GPC5: variants seen among roughly 807,000 people sequenced by gnomAD.
GPC5 encodes glypican 5.
Under a neutral mutation model 53.9 loss-of-function variants are expected in GPC5, and 47 were observed. The ratio of observed to expected loss-of-function variants is 0.87; its 90% CI spans 0.69 to 1.11. The LOEUF (loss-of-function observed/expected upper bound fraction) is 1.11, where lower values mean the gene tolerates loss of function less well. GPC5 is among the 50% of genes most tolerant of loss of function. The pLI is 0.00. For synonymous variants in GPC5, 286 were observed against 263.3 expected (o/e 1.09, Z -0.84); for missense variants, 748 against 713.1 (o/e 1.05, Z -0.56).
At chr13:92,134,943 T>G (rs535932867) in intron 6 of GPC5, among the ~76,000 whole-genome samples, 2 of 152,282 alleles carry the variant, frequency 1.3e-5, no homozygotes, top group South Asian at 4.1e-4. Context: ...ATGCATCACA[T>G]ACTGCATAAT....
chr13:91,798,483 C>T (rs1179711661), intron 5 of GPC5, among the ~76,000 whole-genome samples: 1 of 152,186 alleles, frequency 6.6e-6, no homozygotes, highest in Non-Finnish European at 1.5e-5. Context: ...AGGATAACAG[C>T]TTCCAGCTCC....
intron 6 of GPC5, among the ~76,000 whole-genome samples, chr13:92,026,122 C>T (rs2138798537): frequency 6.6e-6 from 1 of 152,176 alleles, no homozygotes; most frequent in Admixed American, 6.5e-5. Flanking sequence ...AATGTTTTTC[C>T]AGCATACCTG....
chr13:92,244,380 A>AC (rs1455624537), intron 7 of GPC5, among the ~76,000 whole-genome samples: 1 of 152,152 alleles, frequency 6.6e-6, no homozygotes, highest in Non-Finnish European at 1.5e-5. Flanking sequence ...GTGTAACGAA[A>AC]CCTCATATGT....
At chr13:92,541,637 C>T (rs961486545) in intron 7 of GPC5, among the ~76,000 whole-genome samples, 1 of 151,730 alleles carries the variant, frequency 6.6e-6, no homozygotes, top group African/African-American at 2.4e-5. Context: ...ATGAAACCTA[C>T]TTTATTGATG....
intron 7 of GPC5, among the ~76,000 whole-genome samples, chr13:92,809,847 A>T (rs1877230068): frequency 1.3e-5 from 2 of 152,090 alleles, no homozygotes; most frequent in South Asian, 4.1e-4. Flanking sequence ...GTACAGTTTA[A>T]TACTTAAACT....
chr13:91,959,362 A>C (rs561786867), intron 6 of GPC5, among the ~76,000 whole-genome samples: 4 of 151,758 alleles, frequency 2.6e-5, no homozygotes, highest in Non-Finnish European at 5.9e-5. Context: ...AGAAAATCTG[A>C]ACAGACTAAT....
intron 7 of GPC5, among the ~76,000 whole-genome samples, chr13:92,235,599 C>A (rs72636862): frequency 0.16 from 24,050 of 151,864 alleles, 2,342 homozygotes; most frequent in Admixed American, 0.22. Flanking sequence ...ATTTTTCTGT[C>A]AAATATATGA....
chr13:91,478,891 A>ATATG (rs1555312589), intron 2 of GPC5, among the ~76,000 whole-genome samples: 1 of 126,180 alleles, frequency 7.9e-6, no homozygotes, highest in Non-Finnish European at 1.6e-5. Context: ...TTATATATAT[A>ATATG]TATATATATA....
At chr13:92,415,705 G>A (rs921727730) in intron 7 of GPC5, among the ~76,000 whole-genome samples, 2 of 151,780 alleles carry the variant, frequency 1.3e-5, no homozygotes, top group African/African-American at 2.4e-5. Flanking sequence ...TAATAGCAGC[G>A]GAATGATAAT....
chr13:91,872,753 A>G (rs2039161725), intron 5 of GPC5, among the ~76,000 whole-genome samples: 1 of 152,292 alleles, frequency 6.6e-6, no homozygotes, highest in Non-Finnish European at 1.5e-5. Flanking sequence ...ATACATTTGC[A>G]TATTTTATAT....
rs1379006074 is a variant in GPC5 at position 92,848,190 on chromosome 13, A to G, written c.1562-18092A>G. On this transcript the variant is annotated intron_variant, in intron 7 of 7. Transcript: ENST00000377067. ...TCTGTCCTGTGTAAAAATATTAAAA[A>G]GTATTTTTTACATTTATGATTTTAT... Among the ~76,000 whole-genome samples, 4 of 152,346 alleles carry G rather than the reference A, an allele frequency of 2.6e-5. No homozygotes were observed. The South Asian group carries it at 6.2e-4, about 24-fold the overall frequency.
chr13:92,627,267 C>T (rs1445359187), intron 7 of GPC5, among the ~76,000 whole-genome samples: 1 of 152,178 alleles, frequency 6.6e-6, no homozygotes, highest in African/African-American at 2.4e-5. Flanking sequence ...GCAAGAAATA[C>T]TTCATTTTCC....
chr13:92,220,636 A>AT (rs1030429641), intron 7 of GPC5, among the ~76,000 whole-genome samples: 1 of 152,110 alleles, frequency 6.6e-6, no homozygotes, highest in African/African-American at 2.4e-5. Flanking sequence ...AGAAAATAAT[A>AT]TTTTTTCCTA....
chr13:92,752,960 A>G (rs372719274), intron 7 of GPC5, among the ~76,000 whole-genome samples: 9 of 152,192 alleles, frequency 5.9e-5, no homozygotes, highest in African/African-American at 7.2e-5. Flanking sequence ...CAAAGCAGCC[A>G]GGAAGCTCGA....
chr13:92,222,223 A>G (rs1185890250), intron 7 of GPC5, among the ~76,000 whole-genome samples: 1 of 152,144 alleles, frequency 6.6e-6, no homozygotes. Context: ...GGACCAGACT[A>G]TTGTCGTCAC....
intron 7 of GPC5, among the ~76,000 whole-genome samples, chr13:92,373,218 T>C (rs1243800927): frequency 6.6e-6 from 1 of 152,238 alleles, no homozygotes; most frequent in Non-Finnish European, 1.5e-5. Flanking sequence ...GAACACATTC[T>C]AGTTTTATTA....
At chr13:92,051,233 C>T (rs1343016248) in intron 6 of GPC5, among the ~76,000 whole-genome samples, 7 of 130,562 alleles carry the variant, frequency 5.4e-5, no homozygotes, top group Non-Finnish European at 9.4e-5. Context: ...GACGGAGTCT[C>T]GCTCTGTCAC....
intron 7 of GPC5, among the ~76,000 whole-genome samples, chr13:92,828,882 T>C (rs1253620716): frequency 6.6e-6 from 1 of 152,152 alleles, no homozygotes; most frequent in Non-Finnish European, 1.5e-5. Context: ...TACTGCCTGT[T>C]GGATACAATG....
At chr13:91,890,766 TGA>T (rs1186999858) in intron 5 of GPC5, among the ~76,000 whole-genome samples, 1 of 152,242 alleles carries the variant, frequency 6.6e-6, no homozygotes, top group Non-Finnish European at 1.5e-5. Context: ...ATAATAGTTT[TGA>T]GTCATTAGTC....
Sources: allele counts gnomAD v4.1 joint callset (sites outside exome capture counted in the v4.1 genomes callset), GRCh38; gene constraint gnomAD v4.1.1; transcripts MANE v1.5; gene names NCBI Gene and HGNC (gene_info 2026-07-23, HGNC 2026-07-21).